ASTN2: variants seen among roughly 807,000 people sequenced by gnomAD.
The protein encoded by ASTN2 is astrotactin-2.
ASTN2 carries 54 observed loss-of-function variants against 139.8 expected under a neutral mutation model. The observed-to-expected ratio is 0.39, with a 90% CI of 0.31 to 0.48. The LOEUF (loss-of-function observed/expected upper bound fraction) is 0.48. Among genes scored for constraint, ASTN2 ranks in the 20% least tolerant of loss-of-function variants. The pLI, the probability that ASTN2 is intolerant of heterozygous loss-of-function variation, is 0.95. For missense variants in ASTN2, 1,565 were observed against 1,725.1 expected, an observed-to-expected ratio of 0.91 and a Z score of 1.64; for synonymous variants, 756 against 719.5, an observed-to-expected ratio of 1.05 and a Z score of -0.81.
At chr9:116,604,747 A>G (rs896922936) in intron 19 of ASTN2, among the ~76,000 whole-genome samples, 8 of 152,188 alleles carry the variant, frequency 5.3e-5, no homozygotes, top group African/African-American at 1.9e-4. Flanking sequence ...TCCTCATACA[A>G]ATTCACCTCC....
chr9:117,065,898 C>T (rs943122874), intron 5 of ASTN2, among the ~76,000 whole-genome samples: 11 of 151,994 alleles, frequency 7.2e-5, no homozygotes, highest in African/African-American at 1.9e-4. Context: ...TCACTTTCTT[C>T]GTAAGTATCT....
At chr9:117,176,045 C>T (rs1830908781) in intron 3 of ASTN2, among the ~76,000 whole-genome samples, 2 of 150,886 alleles carry the variant, frequency 1.3e-5, no homozygotes, top group South Asian at 4.2e-4. Flanking sequence ...AAAAAACCAT[C>T]ATAAAAATAT....
chr9:117,129,385 TA>T (rs1221269738), intron 4 of ASTN2, among the ~76,000 whole-genome samples: 1 of 152,182 alleles, frequency 6.6e-6, no homozygotes, highest in Non-Finnish European at 1.5e-5. Flanking sequence ...AAAATTAAAC[TA>T]CATCTAGCCC....
chr9:117,214,535 T>C lies in ASTN2; in HGVS notation c.838A>G (p.Ile280Val), dbSNP rs1175135388. The change falls in exon 3 of 23, where the codon ATT (isoleucine) becomes GTT (valine). Residue 280 changes from isoleucine to valine, a missense_variant. Transcript: ENST00000313400. ...SSRLQTHNSVIGVPIRETPIL... is the reference protein window; with the variant it reads ...SSRLQTHNSVVGVPIRETPIL... ...GGAGTCTCCCGGATGGGCACGCCAA[T>C]GACGGAATTGTGGGTTTGCAGCCGG... is the stretch of plus-strand genomic sequence containing the variant. 1 of 1,613,698 alleles carries C rather than the reference T, an allele frequency of 6.2e-7. No homozygotes were observed. The highest frequency in any genetic ancestry group is 8.5e-7 in the Non-Finnish European group (1 of 1,179,712).
At chr9:116,547,040 C>A (rs1852127339) in intron 19 of ASTN2, among the ~76,000 whole-genome samples, 1 of 152,144 alleles carries the variant, frequency 6.6e-6, no homozygotes, top group South Asian at 2.1e-4. Flanking sequence ...ATTTATCTAG[C>A]AGCTTTCATC....
chr9:116,721,785 T>C (rs1301733046), intron 16 of ASTN2, among the ~76,000 whole-genome samples: 1 of 152,214 alleles, frequency 6.6e-6, no homozygotes, highest in African/African-American at 2.4e-5. Context: ...TATAAAACTC[T>C]GCCTTCCTGC....
chr9:116,701,880 GTT>G (rs11395772), intron 16 of ASTN2, among the ~76,000 whole-genome samples: 61 of 133,320 alleles, frequency 4.6e-4, no homozygotes, highest in African/African-American at 1.4e-3. Flanking sequence ...AGTTTTTTGG[GTT>G]TTTTTTTTTT....
chr9:116,864,839 T>C (rs1403795066), intron 10 of ASTN2, among the ~76,000 whole-genome samples: 1 of 152,170 alleles, frequency 6.6e-6, no homozygotes, highest in Non-Finnish European at 1.5e-5. Context: ...TTGAAACTCC[T>C]AATTCATTTC....
intron 13 of ASTN2, among the ~76,000 whole-genome samples, chr9:116,800,258 G>C (rs1356995958): frequency 4.6e-5 from 7 of 151,990 alleles, no homozygotes; most frequent in Middle Eastern, 3.4e-3. Flanking sequence ...TTTGCTTGCT[G>C]TTCCCTCCTG....
At chr9:117,087,327 A>G (rs1587948476) in intron 5 of ASTN2, among the ~76,000 whole-genome samples, 1 of 152,118 alleles carries the variant, frequency 6.6e-6, no homozygotes, top group East Asian at 1.9e-4. Context: ...CTTGACCTCC[A>G]GAGCTCAAGC....
At chr9:117,052,027 T>C (rs1223436418) in intron 5 of ASTN2, among the ~76,000 whole-genome samples, 1 of 152,176 alleles carries the variant, frequency 6.6e-6, no homozygotes, top group Non-Finnish European at 1.5e-5. Context: ...AAATTGACTT[T>C]AGAATTAGAG....
At chr9:117,235,085 T>A (rs1317740509) in intron 2 of ASTN2, among the ~76,000 whole-genome samples, 2 of 151,950 alleles carry the variant, frequency 1.3e-5, no homozygotes, top group African/African-American at 4.8e-5. Flanking sequence ...AATAAAAAAA[T>A]TAGCTGAGCA....
intron 2 of ASTN2, among the ~76,000 whole-genome samples, chr9:117,224,194 G>A (rs1429951566): frequency 6.6e-6 from 1 of 152,226 alleles, no homozygotes; most frequent in Non-Finnish European, 1.5e-5. Context: ...GTACAGTCAT[G>A]ACTCAAATCT....
chr9:116,482,242 C>G (rs1462303195), intron 20 of ASTN2, among the ~76,000 whole-genome samples: 2 of 152,100 alleles, frequency 1.3e-5, no homozygotes, highest in Non-Finnish European at 2.9e-5. Flanking sequence ...AGGAGAATGG[C>G]GTGAACCCGG....
intron 7 of ASTN2, among the ~76,000 whole-genome samples, chr9:117,003,831 G>A (rs1257310496): frequency 6.6e-6 from 1 of 151,346 alleles, no homozygotes; most frequent in African/African-American, 2.4e-5. Context: ...TCCTTTTCAA[G>A]GAAAAATAAT....
rs112648400 is a variant in ASTN2, at chr9:117,124,091, C to T, written c.1168+17235G>A. ...GCATGACCTTGGATTAGCCACGCCC[C>T]CTTCTCCAGGTCTCAGTTTCTCACT... On this transcript the variant is annotated intron_variant, in intron 4 of 22. Transcript: ENST00000313400. Among the ~76,000 whole-genome samples, 56 of 152,270 alleles carry T rather than the reference C, an allele frequency of 3.7e-4. 1 individual carries two copies. The highest frequency in any genetic ancestry group is 1.3e-3 in the African/African-American group (55 of 41,546).
At chr9:117,072,086 G>A (rs1195145010) in intron 5 of ASTN2, among the ~76,000 whole-genome samples, 1 of 152,198 alleles carries the variant, frequency 6.6e-6, no homozygotes, top group Non-Finnish European at 1.5e-5. Context: ...CAGGTAGTAA[G>A]TCACATTGCA....
intron 16 of ASTN2, among the ~76,000 whole-genome samples, chr9:116,697,172 C>A (rs976031522): frequency 6.6e-6 from 1 of 152,144 alleles, no homozygotes; most frequent in Non-Finnish European, 1.5e-5. Context: ...TTTTACTGTG[C>A]ATAATTCTCC....
intron 19 of ASTN2, among the ~76,000 whole-genome samples, chr9:116,614,087 C>G (rs1855704374): frequency 6.6e-6 from 1 of 152,088 alleles, no homozygotes; most frequent in African/African-American, 2.4e-5. Context: ...CAATAACAGA[C>G]AGAGAGCCAA....
Sources: allele counts gnomAD v4.1 joint callset (sites outside exome capture counted in the v4.1 genomes callset), GRCh38; gene constraint gnomAD v4.1.1; transcripts MANE v1.5; gene names NCBI Gene and HGNC (gene_info 2026-07-23, HGNC 2026-07-21).